The following CCDC66 variants were observed in gnomAD, a reference collection of about 807,000 sequenced individuals.
CCDC66 encodes the protein coiled-coil domain containing 66.
Under a neutral mutation model 128.3 loss-of-function variants are expected in CCDC66, and 133 were observed. The observed-to-expected ratio is 1.04, with a 90% CI of 0.90 to 1.20. CCDC66 has a LOEUF of 1.20. Among genes scored for constraint, CCDC66 ranks in the 50% most tolerant of loss-of-function variants. The pLI is 0.00. For missense variants in CCDC66, 1,126 were observed against 1,075.5 expected (o/e 1.05, Z -0.66); for synonymous variants, 387 against 357.0 (o/e 1.08, Z -0.95).
chr3:56,576,871 C>T (rs145608961), intron 7 of CCDC66, among the ~76,000 whole-genome samples: 1,923 of 151,830 alleles, frequency 0.013, 27 homozygotes, highest in Middle Eastern at 0.017. Context: ...AATAGTGCCG[C>T]AGTAAACATA....
chr3:56,606,934 C>T (rs943068731), intron 10 of CCDC66, among the ~76,000 whole-genome samples: 3 of 150,936 alleles, frequency 2.0e-5, no homozygotes, highest in African/African-American at 5.0e-5. Context: ...TTTGCTTTGT[C>T]GAAGATCAGT....
At chr3:56,605,430 C>T (rs9841851) in intron 10 of CCDC66, among the ~76,000 whole-genome samples, 1 of 151,910 alleles carries the variant, frequency 6.6e-6, no homozygotes, top group African/African-American at 2.4e-5. Context: ...GGTCTTTGAT[C>T]TTGGTGACCT....
intron 11 of CCDC66, among the ~76,000 whole-genome samples, chr3:56,614,309 G>C (rs1271869277): frequency 1.3e-5 from 2 of 152,056 alleles, no homozygotes; most frequent in Admixed American, 6.5e-5. Flanking sequence ...TTACCTATGT[G>C]CTTCATTTTT....
intron 9 of CCDC66, 87 bp from the exon 10 acceptor site, chr3:56,593,857 T>A: frequency 6.3e-7 from 1 of 1,578,890 alleles, no homozygotes; most frequent in Non-Finnish European, 8.7e-7. Flanking sequence ...TAGAAATAAT[T>A]AGTAGATTTA....
In CCDC66 at chr3:56,600,149, CTTT is replaced by C. The variant is rs33981043; in HGVS notation, c.1404+6137_1404+6139del. 1.1e-3 allele frequency among the ~76,000 whole-genome samples: 131 copies of C among 115,004 alleles called. 2 individuals carry two copies. Among genetic ancestry groups the C allele is most frequent in the African/African-American group, 2.3e-3 (72 of 31,530 alleles). 75.4% of individuals were successfully genotyped at this position (115,004 alleles called of 152,430 possible). On this transcript the variant is annotated intron_variant, in intron 10 of 17. Coordinates refer to ENST00000394672, the MANE Select transcript of CCDC66 (RefSeq NM_001141947.3). ...GCAATAAACATACATGTGCACTTAT[CTTT>C]TTTTTTTTTTTTTTTGAGACAGAGT...
chr3:56,608,555 A>C (rs1179419703), intron 10 of CCDC66, among the ~76,000 whole-genome samples: 2 of 151,834 alleles, frequency 1.3e-5, no homozygotes, highest in African/African-American at 4.8e-5. Context: ...CATTTTATTT[A>C]TCTTTTCAAA....
intron 3 of CCDC66, 33 bp from the exon 4 acceptor site, chr3:56,563,651 G>A: frequency 6.8e-7 from 1 of 1,479,978 alleles, no homozygotes; most frequent in Non-Finnish European, 9.1e-7. Flanking sequence ...TTCTTGGACA[G>A]TTATAAAGAA....
chr3:56,614,543 G>A (rs2075261887), intron 11 of CCDC66, among the ~76,000 whole-genome samples: 1 of 152,152 alleles, frequency 6.6e-6, no homozygotes, highest in South Asian at 2.1e-4. Flanking sequence ...AGAACCCTAA[G>A]TGGTGCAGAC....
At chr3:56,598,163 T>C (rs2072473730) in intron 10 of CCDC66, among the ~76,000 whole-genome samples, 1 of 150,854 alleles carries the variant, frequency 6.6e-6, no homozygotes, top group Non-Finnish European at 1.5e-5. Flanking sequence ...TGTTTGTTTG[T>C]TTGTTTGTTT....
intron 3 of CCDC66, 73 bp from the exon 4 acceptor site, chr3:56,563,611 C>A: frequency 3.2e-6 from 4 of 1,234,850 alleles, no homozygotes; most frequent in South Asian, 1.6e-5. Flanking sequence ...ACTGATTTAT[C>A]ACAGATCATA....
chr3:56,619,224 AT>A, intron 15 of CCDC66, 46 bp from the exon 16 acceptor site: 1 of 1,371,048 alleles, frequency 7.3e-7, no homozygotes, highest in Non-Finnish European at 9.9e-7. Context: ...TTAAAGAGAT[AT>A]ACTTAATCTA....
rs2070900843 is a variant in CCDC66, at chr3:56,591,570, CTT to C, written c.937-1399_937-1398del. Among the ~76,000 whole-genome samples the C allele has an allele frequency of 2.6e-5, 4 of 152,302 alleles. No individual in the cohort carries two copies. The South Asian group carries it at 8.3e-4, about 32-fold the overall frequency. Reference sequence around the variant, plus strand: ...TGTGTTGGGCCACATTCAAAGCTGTCTTGGGCCACAGGTTGGACAATGCTCGT... The same window carrying C: ...TGTGTTGGGCCACATTCAAAGCTGTCGGGCCACAGGTTGGACAATGCTCGT... On this transcript the variant is annotated intron_variant, in intron 7 of 17. Coordinates refer to ENST00000394672, the MANE Select transcript of CCDC66 (RefSeq NM_001141947.3).
chr3:56,603,712 G>A (rs1159768921), intron 10 of CCDC66, among the ~76,000 whole-genome samples: 5 of 151,990 alleles, frequency 3.3e-5, no homozygotes, highest in Admixed American at 2.6e-4. Flanking sequence ...CCAATTGTGT[G>A]GTTAATTTTA....
intron 6 of CCDC66, among the ~76,000 whole-genome samples, chr3:56,568,435 G>A (rs953754938): frequency 6.6e-5 from 10 of 152,208 alleles, no homozygotes; most frequent in East Asian, 1.9e-4. Context: ...ATCAAAAGTC[G>A]TATTTTATAA....
chr3:56,577,597 G>T (rs1442011806), intron 7 of CCDC66, among the ~76,000 whole-genome samples: 1 of 151,810 alleles, frequency 6.6e-6, no homozygotes, highest in African/African-American at 2.4e-5. Flanking sequence ...TGTATAAGGT[G>T]TAAGGAAGGG....
At chr3:56,589,971 C>A (rs1236816915) in intron 7 of CCDC66, among the ~76,000 whole-genome samples, 3 of 152,082 alleles carry the variant, frequency 2.0e-5, no homozygotes, top group Non-Finnish European at 4.4e-5. Flanking sequence ...TTTTTAAGTT[C>A]AAAGTAATTT....
chr3:56,571,667 C>T (rs536628767), intron 7 of CCDC66, among the ~76,000 whole-genome samples: 5 of 152,174 alleles, frequency 3.3e-5, no homozygotes, highest in East Asian at 3.9e-4. Flanking sequence ...CATGAGCCAC[C>T]GTGCCCAGCC....
At chr3:56,601,776 T>G (rs1409714164) in intron 10 of CCDC66, among the ~76,000 whole-genome samples, 1 of 152,062 alleles carries the variant, frequency 6.6e-6, no homozygotes, top group Admixed American at 6.5e-5. Flanking sequence ...TGTTTGTCTG[T>G]TATTGGTGTA....
In CCDC66 at chr3:56,618,167, T is replaced by C; in HGVS notation, c.2338-5T>C. 3 of 1,608,946 alleles carry C rather than the reference T, an allele frequency of 1.9e-6. No homozygotes were observed. Among genetic ancestry groups the C allele is most frequent in the Non-Finnish European group, 2.6e-6 (3 of 1,175,470 alleles). On this transcript the variant is annotated splice_region_variant and splice_polypyrimidine_tract_variant and intron_variant, in intron 14 of 17. Transcript: ENST00000394672. Reference sequence around the variant, plus strand: ...CCTTTCTGCATTTATCTATCCATATTTTAGGAAGAAGAGCCTCTGAATATT... The same window carrying C: ...CCTTTCTGCATTTATCTATCCATATCTTAGGAAGAAGAGCCTCTGAATATT...
Sources: allele counts gnomAD v4.1 joint callset (sites outside exome capture counted in the v4.1 genomes callset), GRCh38; gene constraint gnomAD v4.1.1; transcripts MANE v1.5; gene names NCBI Gene and HGNC (gene_info 2026-07-23, HGNC 2026-07-21).